The following AGBL4 variants were observed in gnomAD, a reference collection of about 807,000 sequenced individuals.
AGBL4 encodes AGBL carboxypeptidase 4, also known as cytosolic carboxypeptidase 6.
A neutral mutation model predicts 66.4 loss-of-function variants in AGBL4; 58 were observed. The ratio of observed to expected loss-of-function variants is 0.87; its 90% confidence interval spans 0.71 to 1.09. The LOEUF is 1.09. Ranked by LOEUF, AGBL4 falls within the 50% of genes least tolerant of loss-of-function variation. The probability of loss-of-function intolerance (pLI) is 0.00; values close to 1 mark genes in which losing one functional copy is unlikely to be tolerated. For synonymous variants in AGBL4, 234 were observed against 222.9 expected (o/e 1.05, Z -0.44); for missense variants, 579 against 631.0 (o/e 0.92, Z 0.88).
chr1:49,498,886 C>T (rs976611951), intron 3 of AGBL4, among the ~76,000 whole-genome samples: 1 of 152,012 alleles, frequency 6.6e-6, no homozygotes, highest in Admixed American at 6.6e-5. Flanking sequence ...GTTGAACCAT[C>T]CTTACATTCC....
At chr1:48,582,351 G>A (rs75353111) in intron 11 of AGBL4, among the ~76,000 whole-genome samples, 23 of 152,106 alleles carry the variant, frequency 1.5e-4, no homozygotes, top group African/African-American at 5.6e-4. Flanking sequence ...TTTAGAATCA[G>A]GAACATCTTA....
chr1:49,894,430 GA>G (rs1468476871), intron 1 of AGBL4, among the ~76,000 whole-genome samples: 2 of 152,132 alleles, frequency 1.3e-5, no homozygotes, highest in African/African-American at 4.8e-5. Context: ...CTTTCAGACA[GA>G]AAATTAATAA....
chr1:49,706,993 T>C lies in AGBL4; in HGVS notation c.158-9556A>G, dbSNP rs1290771732. Among the ~76,000 whole-genome samples, 39 of 152,198 alleles carry C rather than the reference T, an allele frequency of 2.6e-4. 1 individual carries two copies. The highest frequency in any genetic ancestry group is 1.5e-5 in the Non-Finnish European group (1 of 68,018). On this transcript the variant is annotated intron_variant, in intron 2 of 13. Coordinates refer to ENST00000371839, the MANE Select transcript of AGBL4 (RefSeq NM_032785.4). ...GTGGGCAATTCTAGAATAACTGTTATGTGGTGCTGAGAAGAATGTATATTC... is the reference window on the plus strand; with the variant it reads ...GTGGGCAATTCTAGAATAACTGTTACGTGGTGCTGAGAAGAATGTATATTC...
At chr1:49,503,965 G>T (rs1007666584) in intron 3 of AGBL4, among the ~76,000 whole-genome samples, 1 of 152,108 alleles carries the variant, frequency 6.6e-6, no homozygotes, top group African/African-American at 2.4e-5. Context: ...GAGGACATGA[G>T]ATTTGGGAAG....
At chr1:48,967,674 G>A (rs1384516221) in intron 5 of AGBL4, among the ~76,000 whole-genome samples, 1 of 152,148 alleles carries the variant, frequency 6.6e-6, no homozygotes, top group African/African-American at 2.4e-5. Flanking sequence ...ATGGATGAGT[G>A]AGCATTTTCC....
chr1:48,957,158 T>G (rs1168244569), intron 5 of AGBL4, among the ~76,000 whole-genome samples: 1 of 152,170 alleles, frequency 6.6e-6, no homozygotes, highest in Admixed American at 6.5e-5. Context: ...ATACATTTTT[T>G]GCTATTATTA....
chr1:48,790,771 T>C (rs1489207118), intron 6 of AGBL4, among the ~76,000 whole-genome samples: 1 of 152,192 alleles, frequency 6.6e-6, no homozygotes, highest in African/African-American at 2.4e-5. Context: ...GAGCTCATTA[T>C]TGCAAGAGTG....
At chr1:49,711,859 C>T (rs184460116) in intron 2 of AGBL4, among the ~76,000 whole-genome samples, 47 of 152,048 alleles carry the variant, frequency 3.1e-4, no homozygotes, top group South Asian at 1.2e-3. Flanking sequence ...ATAAGTATTA[C>T]GCACAGTATA....
chr1:49,699,155 G>A lies in AGBL4; in HGVS notation c.158-1718C>T, dbSNP rs77420218. 1.4e-3 allele frequency among the ~76,000 whole-genome samples: 207 copies of A among 152,012 alleles called. 1 individual carries two copies. The highest frequency in any genetic ancestry group is 4.8e-3 in the African/African-American group (201 of 41,516). On this transcript the variant is annotated intron_variant, in intron 2 of 13. Coordinates refer to ENST00000371839, the MANE Select transcript of AGBL4 (RefSeq NM_032785.4). Reference sequence around the variant, plus strand: ...ATTTAATCAGTAATTCATTCAAAAGGCACTATGCTTTGTGTTATAAAAGAA... The same window carrying A: ...ATTTAATCAGTAATTCATTCAAAAGACACTATGCTTTGTGTTATAAAAGAA...
intron 1 of AGBL4, among the ~76,000 whole-genome samples, chr1:49,946,837 G>T (rs1318910871): frequency 6.6e-6 from 1 of 151,644 alleles, no homozygotes; most frequent in Non-Finnish European, 1.5e-5. Flanking sequence ...CAAGAGAGAA[G>T]ATCCAAATAA....
chr1:49,044,003 T>C (rs1387463586), intron 5 of AGBL4, among the ~76,000 whole-genome samples: 1 of 152,210 alleles, frequency 6.6e-6, no homozygotes, highest in Non-Finnish European at 1.5e-5. Flanking sequence ...AGTATCCTCA[T>C]TTAGAATGTT....
chr1:49,591,113 G>GA (rs920680675), intron 3 of AGBL4, among the ~76,000 whole-genome samples: 4 of 151,858 alleles, frequency 2.6e-5, no homozygotes, highest in African/African-American at 7.2e-5. Flanking sequence ...TAGGAAACCA[G>GA]AAAAAAGCCC....
chr1:49,147,085 T>C (rs958449153), intron 4 of AGBL4, among the ~76,000 whole-genome samples: 1 of 151,810 alleles, frequency 6.6e-6, no homozygotes, highest in Non-Finnish European at 1.5e-5. Flanking sequence ...AGGAGATAGG[T>C]TTTTCTGTCC....
chr1:49,879,040 C>G (rs1326378687), intron 1 of AGBL4, among the ~76,000 whole-genome samples: 10 of 100,812 alleles, frequency 9.9e-5, no homozygotes, highest in South Asian at 4.1e-4. Context: ...CTTTTATTTT[C>G]AGCCTATGTG....
intron 3 of AGBL4, among the ~76,000 whole-genome samples, chr1:49,384,419 C>G (rs1644692216): frequency 6.6e-6 from 1 of 151,718 alleles, no homozygotes; most frequent in Admixed American, 6.6e-5. Flanking sequence ...TGGTGAAACC[C>G]TGTCTCTACT....
intron 1 of AGBL4, among the ~76,000 whole-genome samples, chr1:50,020,399 T>A (rs1008561320): frequency 1.3e-5 from 2 of 152,126 alleles, no homozygotes; most frequent in Non-Finnish European, 2.9e-5. Flanking sequence ...CCTGCAAATA[T>A]CATCCCCATT....
intron 3 of AGBL4, among the ~76,000 whole-genome samples, chr1:49,476,045 G>A (rs1646838712): frequency 6.6e-6 from 1 of 151,782 alleles, no homozygotes; most frequent in Non-Finnish European, 1.5e-5. Context: ...TTTATATTGA[G>A]GTGCTTAGCA....
intron 3 of AGBL4, among the ~76,000 whole-genome samples, chr1:49,504,570 T>A (rs931252057): frequency 6.6e-6 from 1 of 152,094 alleles, no homozygotes; most frequent in Non-Finnish European, 1.5e-5. Flanking sequence ...CTTGATGAGT[T>A]TACCCCTCTC....
chr1:48,697,901 A>C (rs1646738351), intron 6 of AGBL4, among the ~76,000 whole-genome samples: 1 of 152,194 alleles, frequency 6.6e-6, no homozygotes, highest in Non-Finnish European at 1.5e-5. Flanking sequence ...TGAGAAAAAA[A>C]CGTTATATGC....
Sources: allele counts gnomAD v4.1 joint callset (sites outside exome capture counted in the v4.1 genomes callset), GRCh38; gene constraint gnomAD v4.1.1; transcripts MANE v1.5; gene names NCBI Gene and HGNC (gene_info 2026-07-23, HGNC 2026-07-21).